The following LAMA2 variants were observed in gnomAD, a reference collection of about 807,000 sequenced individuals.
The protein encoded by LAMA2 is laminin subunit alpha-2.
A neutral mutation model predicts 364.8 loss-of-function variants in LAMA2; 269 were observed. That is an observed-to-expected ratio of 0.74 (90% confidence interval 0.67 to 0.82). The LOEUF is 0.82. Among genes scored for constraint, LAMA2 ranks in the 40% least tolerant of loss-of-function variants. The pLI is 0.00. For missense variants in LAMA2, 3,807 were observed against 3,873.2 expected, an observed-to-expected ratio of 0.98 and a Z score of 0.45; for synonymous variants, 1,379 against 1,370.6, an observed-to-expected ratio of 1.01 and a Z score of -0.14.
intron 32 of LAMA2, among the ~76,000 whole-genome samples, chr6:129,360,157 A>G (rs1231761793): frequency 6.6e-6 from 1 of 152,152 alleles, no homozygotes; most frequent in Non-Finnish European, 1.5e-5. Context: ...ATGGTTTGGA[A>G]AGGTTCTTTG....
At position 129,505,241 on chromosome 6, in the gene LAMA2, A is replaced by G. The variant is rs200526970; in HGVS notation, c.8589A>G (p.Val2863=). 18 of 1,613,868 alleles carry G rather than the reference A, an allele frequency of 1.1e-5. No individual in the cohort carries two copies. The African/African-American group carries it at 2.4e-4, about 22-fold the overall frequency. ...GTAAGCAAGAAGGAATTCTTTATGT[A>G]GATGGGGCTTCCAACAGAACCATCA... ...MRSKQEGILY[V]DGASNRTISP... is the part of the protein sequence containing the mutation. Residue 2863 remains valine (V), a synonymous_variant, in exon 61 of 65, where the codon GTA becomes GTG. Coordinates refer to ENST00000421865, the MANE Select transcript of LAMA2 (RefSeq NM_000426.4).
At chr6:129,060,051 G>A (rs114142936) in intron 3 of LAMA2, among the ~76,000 whole-genome samples, 155 bp downstream of exon 3, 113 of 152,186 alleles carry the variant, frequency 7.4e-4, no homozygotes, top group African/African-American at 2.5e-3. Flanking sequence ...TTCATATAGC[G>A]TATTGTTATT....
intron 1 of LAMA2, among the ~76,000 whole-genome samples, chr6:128,922,740 T>C (rs1477862198): frequency 1.3e-5 from 2 of 152,236 alleles, no homozygotes; most frequent in African/African-American, 4.8e-5. Context: ...ATTTTGGCTT[T>C]TGTTGCCATT....
chr6:129,015,047 T>C (rs1282563703), intron 1 of LAMA2, among the ~76,000 whole-genome samples: 2 of 152,178 alleles, frequency 1.3e-5, no homozygotes, highest in Non-Finnish European at 1.5e-5. Context: ...TTTTCCCATA[T>C]TAACTCAGAA....
intron 40 of LAMA2, among the ~76,000 whole-genome samples, chr6:129,412,085 G>T (rs755158645): frequency 6.6e-6 from 1 of 152,040 alleles, no homozygotes; most frequent in African/African-American, 2.4e-5. Flanking sequence ...AAATAAAATT[G>T]ACAATATTCG....
At chr6:129,443,635 C>G (rs768794998) in intron 44 of LAMA2, among the ~76,000 whole-genome samples, 4 of 152,126 alleles carry the variant, frequency 2.6e-5, no homozygotes, top group Non-Finnish European at 5.9e-5. Context: ...TGTAATTATT[C>G]TCAACTTCTG....
Position 129,486,540 on chromosome 6 carries a change from A to G in LAMA2, c.7816A>G (p.Met2606Val), listed in dbSNP as rs759492212. ...EVHLSTGART[M>V]RKIVIRPEPN... ...GCATCTCTCCACAGGGGCACGAACA[A>G]TGAGGAAAATTGTGATCAGACCAGA... Residue 2606 changes from methionine (M) to valine (V), a missense_variant, in exon 56 of 65, where the codon ATG becomes GTG. Coordinates refer to ENST00000421865, the MANE Select transcript of LAMA2 (RefSeq NM_000426.4). 6 of 1,614,012 alleles carry G rather than the reference A, an allele frequency of 3.7e-6. No homozygotes were observed. The highest frequency in any genetic ancestry group is 1.7e-4 in the Middle Eastern group (1 of 6,060).
At chr6:129,172,905 G>A (rs1015818116) in intron 9 of LAMA2, among the ~76,000 whole-genome samples, 1 of 152,222 alleles carries the variant, frequency 6.6e-6, no homozygotes. Context: ...TCGGAAAAGC[G>A]CAGTATTCCG....
chr6:128,996,479 A>G (rs180692954), intron 1 of LAMA2, among the ~76,000 whole-genome samples: 61 of 152,300 alleles, frequency 4.0e-4, no homozygotes, highest in African/African-American at 1.4e-3. Context: ...ATGAACAGAC[A>G]CTTCTCAAAA....
intron 45 of LAMA2, among the ~76,000 whole-genome samples, chr6:129,448,182 A>G (rs573408675): frequency 6.6e-6 from 1 of 152,114 alleles, no homozygotes; most frequent in East Asian, 1.9e-4. Flanking sequence ...CTACTTGGGG[A>G]GATGAGGTGG....
In LAMA2 at chr6:129,300,769, A is replaced by G; in HGVS notation, c.3071A>G (p.Asp1024Gly). The G allele has an allele frequency of 6.2e-7, 1 of 1,613,778 alleles. No homozygotes were observed. The highest frequency in any genetic ancestry group is 8.5e-7 in the Non-Finnish European group (1 of 1,179,734). The change falls in exon 22 of 65, where the codon GAC becomes GGC. Residue 1024 changes from aspartate to glycine, a missense_variant. Physicochemically the swap from Asp to Gly is moderately conservative, Grantham distance 94. This residue lies in a region of LAMA2 where 3,333 missense variants were observed against 3,345.7 expected (regional missense o/e 1.00). Coordinates refer to ENST00000421865, the MANE Select transcript of LAMA2 (RefSeq NM_000426.4). ...TGTTCTCATCTGGGTAATAATTGTG[A>G]CCCAAAGACTGGGCGATGCATTTGC... ...CECSHLGNNC[D>G]PKTGRCICPP...
chr6:129,287,762 G>C, intron 18 of LAMA2, 85 bp from the exon 19 acceptor site: 1 of 1,094,714 alleles, frequency 9.1e-7, no homozygotes, highest in East Asian at 2.4e-5. Flanking sequence ...CCATCATCCT[G>C]GGAGAAGGGG....
chr6:129,142,337 C>T (rs1400161584), intron 4 of LAMA2, among the ~76,000 whole-genome samples: 2 of 151,894 alleles, frequency 1.3e-5, no homozygotes, highest in Non-Finnish European at 2.9e-5. Flanking sequence ...AGGACTGTTT[C>T]GGGGCTTGCA....
intron 12 of LAMA2, among the ~76,000 whole-genome samples, chr6:129,231,608 C>T (rs968880498): frequency 2.6e-5 from 4 of 152,110 alleles, no homozygotes; most frequent in South Asian, 4.1e-4. Context: ...TTCTAGGCTG[C>T]TAAGGCAGCA....
intron 20 of LAMA2, among the ~76,000 whole-genome samples, chr6:129,296,531 G>A (rs1249624974): frequency 1.3e-5 from 2 of 151,482 alleles, no homozygotes; most frequent in Non-Finnish European, 3.0e-5. Context: ...TCTTAGCTAC[G>A]GTCATTTTAA....
intron 3 of LAMA2, among the ~76,000 whole-genome samples, chr6:129,060,161 C>T (rs1411145923): frequency 6.6e-6 from 1 of 152,104 alleles, no homozygotes; most frequent in Admixed American, 6.5e-5. Flanking sequence ...GCTAGCTGGA[C>T]TTAATGATGA....
At chr6:129,313,557 T>G (rs1397514616) in intron 23 of LAMA2, among the ~76,000 whole-genome samples, 1 of 152,228 alleles carries the variant, frequency 6.6e-6, no homozygotes, top group African/African-American at 2.4e-5. Context: ...TTAGTAAAAT[T>G]TCAACACATA....
At chr6:129,021,577 TA>T (rs1289519542) in intron 1 of LAMA2, among the ~76,000 whole-genome samples, 1 of 152,200 alleles carries the variant, frequency 6.6e-6, no homozygotes, top group Non-Finnish European at 1.5e-5. Flanking sequence ...TTTCTAGCCA[TA>T]AGAATTAGCA....
At chr6:129,138,109 A>G (rs2114948928) in intron 4 of LAMA2, among the ~76,000 whole-genome samples, 1 of 152,196 alleles carries the variant, frequency 6.6e-6, no homozygotes, top group East Asian at 1.9e-4. Context: ...CATGACACAG[A>G]AAGGAAAGTA....
Sources: allele counts gnomAD v4.1 joint callset (sites outside exome capture counted in the v4.1 genomes callset), GRCh38; gene constraint gnomAD v4.1.1; regional missense constraint gnomAD v4.1.1; transcripts MANE v1.5; gene names NCBI Gene and HGNC (gene_info 2026-07-23, HGNC 2026-07-21).